WDR70: variants seen among roughly 807,000 people sequenced by gnomAD.
WDR70 encodes WD repeat-containing protein 70.
WDR70 carries 53 observed loss-of-function variants against 88.6 expected under a neutral mutation model. The ratio of observed to expected loss-of-function variants is 0.60; its 90% CI spans 0.48 to 0.75. The LOEUF (loss-of-function observed/expected upper bound fraction) is 0.75, where lower values mean the gene tolerates loss of function less well. Ranked by LOEUF, WDR70 falls within the 30% of genes least tolerant of loss-of-function variation. The probability of loss-of-function intolerance (pLI) is 0.00; values close to 1 mark genes in which losing one functional copy is unlikely to be tolerated. For missense variants in WDR70, 610 were observed against 823.2 expected (o/e 0.74, Z 3.17); for synonymous variants, 280 against 270.0 (o/e 1.04, Z -0.36).
rs559450523 is a variant in WDR70, at chr5:37,401,164, AT to A, written c.492+4620del. ...CAGGCATGTGCCTCTACACCTAGCTATTTTTTTTTTTTTTTTTTTTTTTTTT... is the reference window on the plus strand; with the variant it reads ...CAGGCATGTGCCTCTACACCTAGCTATTTTTTTTTTTTTTTTTTTTTTTTT... On this transcript the variant is annotated intron_variant, in intron 5 of 17. Coordinates refer to ENST00000265107, the MANE Select transcript of WDR70 (RefSeq NM_018034.4). Among the ~76,000 whole-genome samples, 201 of 69,144 alleles carry A rather than the reference AT, an allele frequency of 2.9e-3. 2 individuals carry two copies. Among genetic ancestry groups the A allele is most frequent in the African/African-American group, 8.9e-3 (167 of 18,844 alleles). 45.4% of individuals were successfully genotyped at this position (69,144 alleles called of 152,430 possible). A position where few individuals can be genotyped will look rare whatever the true frequency, so the allele number is the denominator to read the frequency against.
At position 37,379,320 on chromosome 5, in the gene WDR70, A is replaced by T; in HGVS notation, c.-48A>T. 1.2e-6 allele frequency: 2 copies of T among 1,610,330 alleles called. No homozygotes were observed. The highest frequency in any genetic ancestry group is 2.2e-5 in the East Asian group (1 of 44,786). On this transcript the variant is annotated 5_prime_UTR_variant, in exon 1 of 18. Coordinates refer to ENST00000265107, the MANE Select transcript of WDR70 (RefSeq NM_018034.4). ...GCAAGTTATTGGCAAGTTCCCCTGC[A>T]GTTGTTTGGGCTGTCCCTGTGGCTG...
chr5:37,443,534 G>T (rs1738346821), intron 7 of WDR70, among the ~76,000 whole-genome samples, 162 bp downstream of exon 7: 2 of 152,166 alleles, frequency 1.3e-5, no homozygotes, highest in South Asian at 4.1e-4. Context: ...AGTAAAACGA[G>T]CCTTACATTT....
chr5:37,732,027 T>C lies in WDR70; in HGVS notation c.1877+4982T>C, dbSNP rs377742992. Among the ~76,000 whole-genome samples the C allele has an allele frequency of 3.0e-4, 45 of 152,270 alleles. 2 individuals are homozygous for C. In the South Asian group the frequency reaches 9.1e-3, roughly 31 times the overall value. ...ATAAAGGAGTAACTTCAATTTAGTA[T>C]GTGGTTTTCATGTCTGAGATTTAAA... On this transcript the variant is annotated intron_variant, in intron 17 of 17. Transcript: ENST00000265107.
chr5:37,648,034 A>T (rs967615737), intron 10 of WDR70, among the ~76,000 whole-genome samples: 1 of 152,140 alleles, frequency 6.6e-6, no homozygotes, highest in African/African-American at 2.4e-5. Flanking sequence ...TTACAATTTG[A>T]GATGAGATTT....
intron 7 of WDR70, among the ~76,000 whole-genome samples, chr5:37,449,610 ATAAAAAATAAATAAAT>A (rs1738605748): frequency 1.8e-5 from 1 of 56,566 alleles, no homozygotes; most frequent in African/African-American, 4.6e-5. Flanking sequence ...AAAATAAAAA[ATAAAAAATAAATAAAT>A]AAATAAATAA....
At chr5:37,500,211 A>G (rs1740364179) in intron 8 of WDR70, among the ~76,000 whole-genome samples, 1 of 152,174 alleles carries the variant, frequency 6.6e-6, no homozygotes, top group Admixed American at 6.5e-5. Context: ...TTCCTGAGTT[A>G]CCTCACTTAG....
chr5:37,576,057 A>G (rs1392946315), intron 9 of WDR70, among the ~76,000 whole-genome samples: 1 of 141,690 alleles, frequency 7.1e-6, no homozygotes, highest in Admixed American at 7.1e-5. Flanking sequence ...CTTCCTTCCA[A>G]CTTCCTTCCT....
At chr5:37,557,959 T>TTTGAAAACTCTTCAA in intron 9 of WDR70, among the ~76,000 whole-genome samples, 857 of 145,840 alleles carry the variant, frequency 5.9e-3, no homozygotes, top group Non-Finnish European at 6.4e-3. Context: ...AAAAGAGTAT[T>TTTGAAAACTCTTCAA]ATGTATATTT....
At chr5:37,648,472 CT>C (rs1420893466) in intron 10 of WDR70, among the ~76,000 whole-genome samples, 1 of 152,010 alleles carries the variant, frequency 6.6e-6, no homozygotes, top group African/African-American at 2.4e-5. Context: ...ACTTGAACTA[CT>C]TAATAACTTT....
chr5:37,556,198 A>G (rs934199446), intron 9 of WDR70, among the ~76,000 whole-genome samples: 2 of 149,228 alleles, frequency 1.3e-5, no homozygotes, highest in Non-Finnish European at 3.0e-5. Context: ...GCAGAGAAGT[A>G]TTTGAGAAAA....
chr5:37,420,417 C>T (rs1039633221), intron 5 of WDR70, among the ~76,000 whole-genome samples: 1 of 151,996 alleles, frequency 6.6e-6, no homozygotes, highest in Non-Finnish European at 1.5e-5. Context: ...TTGCCTGTGC[C>T]AATCTTGAAA....
chr5:37,656,272 G>T (rs978921097), intron 10 of WDR70, among the ~76,000 whole-genome samples: 1 of 152,202 alleles, frequency 6.6e-6, no homozygotes, highest in Non-Finnish European at 1.5e-5. Context: ...ACCAGCGGAG[G>T]CTGCAAAACA....
intron 8 of WDR70, among the ~76,000 whole-genome samples, chr5:37,483,248 G>C (rs1441763424): frequency 6.6e-6 from 1 of 151,710 alleles, no homozygotes; most frequent in Non-Finnish European, 1.5e-5. Context: ...AGGACCCTGC[G>C]GCCTTCCGCA....
At chr5:37,742,621 G>T (rs936468905) in intron 17 of WDR70, among the ~76,000 whole-genome samples, 3 of 152,112 alleles carry the variant, frequency 2.0e-5, no homozygotes, top group Admixed American at 6.5e-5. Flanking sequence ...TCTGTTGTCT[G>T]TGCTTTTGGA....
chr5:37,432,342 C>T (rs575958360), intron 5 of WDR70, among the ~76,000 whole-genome samples: 5 of 152,208 alleles, frequency 3.3e-5, no homozygotes, highest in East Asian at 1.9e-4. Flanking sequence ...TGCTTATTGG[C>T]CATTTGTTTA....
intron 8 of WDR70, among the ~76,000 whole-genome samples, chr5:37,492,159 T>TA (rs762709264): frequency 9.9e-5 from 15 of 152,178 alleles, no homozygotes; most frequent in Non-Finnish European, 1.8e-4. Context: ...AAGACAAAGC[T>TA]AGGAGGGAGA....
chr5:37,652,540 A>G (rs1366687169), intron 10 of WDR70, among the ~76,000 whole-genome samples: 1 of 152,174 alleles, frequency 6.6e-6, no homozygotes, highest in African/African-American at 2.4e-5. Context: ...CAGTATGGCC[A>G]TTTTCACGAC....
intron 13 of WDR70, among the ~76,000 whole-genome samples, chr5:37,707,563 C>G (rs114827968): frequency 6.6e-6 from 1 of 152,020 alleles, no homozygotes; most frequent in African/African-American, 2.4e-5. Context: ...GCCTCTGAAG[C>G]AACAGAAAAG....
At chr5:37,522,541 C>T (rs1057181728) in intron 9 of WDR70, among the ~76,000 whole-genome samples, 4 of 151,012 alleles carry the variant, frequency 2.6e-5, no homozygotes, top group African/African-American at 9.7e-5. Context: ...CAGTTTACAG[C>T]TCCCAGTGTG....
Sources: gnomAD v4.1 joint callset for allele counts (sites outside exome capture counted in the v4.1 genomes callset) on GRCh38, gnomAD v4.1.1 for gene constraint, MANE v1.5 for transcripts, NCBI Gene and HGNC (gene_info 2026-07-23, HGNC 2026-07-21) for gene names.